ERBB4: variants seen among roughly 807,000 people sequenced by gnomAD.
ERBB4 encodes the protein receptor tyrosine-protein kinase erbB-4.
A neutral mutation model predicts 158.0 loss-of-function variants in ERBB4; 42 were observed. That is an observed-to-expected ratio of 0.27 (90% confidence interval 0.21 to 0.34). The LOEUF is 0.34. ERBB4 is among the 10% of genes least tolerant of loss of function. The pLI, the probability that ERBB4 is intolerant of heterozygous loss-of-function variation, is 1.00. For synonymous variants in ERBB4, 583 were observed against 558.7 expected (o/e 1.04, Z -0.61); for missense variants, 1,333 against 1,624.1 (o/e 0.82, Z 3.08).
At chr2:211,884,246 T>C (rs2078737260) in intron 3 of ERBB4, among the ~76,000 whole-genome samples, 1 of 152,164 alleles carries the variant, frequency 6.6e-6, no homozygotes, top group African/African-American at 2.4e-5. Context: ...TTCTAAGACC[T>C]TAATCCAGTT....
chr2:211,519,751 T>C (rs1342346946), intron 20 of ERBB4, among the ~76,000 whole-genome samples: 1 of 152,114 alleles, frequency 6.6e-6, no homozygotes, highest in East Asian at 1.9e-4. Context: ...TCTAATTGCA[T>C]CATGGAAAGA....
chr2:211,623,121 C>T (rs1346962152), intron 18 of ERBB4, among the ~76,000 whole-genome samples: 1 of 140,352 alleles, frequency 7.1e-6, no homozygotes, highest in African/African-American at 2.6e-5. Flanking sequence ...AGAAGAGTTT[C>T]TTAATCTTGT....
intron 3 of ERBB4, among the ~76,000 whole-genome samples, chr2:211,844,633 T>G (rs527448588): frequency 6.6e-6 from 1 of 152,308 alleles, no homozygotes; most frequent in African/African-American, 2.4e-5. Context: ...TTCAAAATTC[T>G]TAAGAACCAC....
intron 1 of ERBB4, among the ~76,000 whole-genome samples, chr2:212,399,989 A>G (rs1194148840): frequency 6.6e-6 from 1 of 152,168 alleles, no homozygotes; most frequent in Non-Finnish European, 1.5e-5. Context: ...AAAAACTTTA[A>G]TGAAATCAAA....
At position 211,990,058 on chromosome 2, in the gene ERBB4, A is replaced by G. The variant is rs140907532; in HGVS notation, c.235-42442T>C. On this transcript the variant is annotated intron_variant, in intron 2 of 27. Transcript: ENST00000342788. ...AAGTTAGGAATGAAAAAAAAAATAGACAGAATATTGATATAAATGCTCATT... is the reference window on the plus strand; with the variant it reads ...AAGTTAGGAATGAAAAAAAAAATAGGCAGAATATTGATATAAATGCTCATT... Among the ~76,000 whole-genome samples the G allele has an allele frequency of 6.9e-3, 1,050 of 152,028 alleles. 10 individuals carry two copies. Among genetic ancestry groups the G allele is most frequent in the African/African-American group, 0.023 (963 of 41,528 alleles).
At chr2:212,440,978 A>G (rs1478269704) in intron 1 of ERBB4, among the ~76,000 whole-genome samples, 2 of 152,182 alleles carry the variant, frequency 1.3e-5, no homozygotes, top group African/African-American at 4.8e-5. Context: ...GGAGAGTCTT[A>G]TCTCCTCTAG....
chr2:211,556,177 A>C (rs1271015617), intron 20 of ERBB4, among the ~76,000 whole-genome samples: 1 of 152,228 alleles, frequency 6.6e-6, no homozygotes, highest in Non-Finnish European at 1.5e-5. Context: ...AAAAAAGATC[A>C]AAAAAGACAA....
At chr2:211,656,849 G>T (rs566452166) in intron 16 of ERBB4, among the ~76,000 whole-genome samples, 1 of 152,246 alleles carries the variant, frequency 6.6e-6, no homozygotes, top group South Asian at 2.1e-4. Context: ...ACAATATATA[G>T]ATATGCCACA....
At chr2:212,126,335 C>T (rs1204375998) in intron 1 of ERBB4, among the ~76,000 whole-genome samples, 1 of 151,880 alleles carries the variant, frequency 6.6e-6, no homozygotes, top group Non-Finnish European at 1.5e-5. Flanking sequence ...TAGCTCATGC[C>T]TGTAATCCCA....
At chr2:211,835,905 G>A (rs2077330835) in intron 3 of ERBB4, among the ~76,000 whole-genome samples, 1 of 151,978 alleles carries the variant, frequency 6.6e-6, no homozygotes, top group African/African-American at 2.4e-5. Flanking sequence ...AGGAACAGTT[G>A]AATACCTTGG....
At chr2:211,943,870 T>G (rs1022621420) in intron 3 of ERBB4, among the ~76,000 whole-genome samples, 8 of 151,904 alleles carry the variant, frequency 5.3e-5, no homozygotes, top group African/African-American at 1.9e-4. Context: ...AGTAATAATT[T>G]TTAATGTGCG....
chr2:212,182,772 T>G (rs941668610), intron 1 of ERBB4, among the ~76,000 whole-genome samples: 2 of 151,814 alleles, frequency 1.3e-5, no homozygotes, highest in Admixed American at 1.3e-4. Context: ...TTTGTTTTGT[T>G]TTGTTTTGCT....
chr2:212,289,044 C>T (rs1006053000), intron 1 of ERBB4, among the ~76,000 whole-genome samples: 2 of 152,042 alleles, frequency 1.3e-5, no homozygotes, highest in Non-Finnish European at 2.9e-5. Context: ...AAAGAAACCT[C>T]CTGACAACAC....
chr2:211,665,286 C>T (rs1358020207), intron 15 of ERBB4, 37 bp downstream of exon 15: 1 of 1,609,372 alleles, frequency 6.2e-7, no homozygotes. Flanking sequence ...GTGGATAACA[C>T]ATACCAGGTG....
intron 2 of ERBB4, among the ~76,000 whole-genome samples, chr2:211,951,726 T>A (rs1470801001): frequency 6.6e-6 from 1 of 152,118 alleles, no homozygotes; most frequent in Non-Finnish European, 1.5e-5. Flanking sequence ...GAGGTTCTAG[T>A]GTCCAAAATA....
At chr2:212,067,522 T>A (rs1390639704) in intron 2 of ERBB4, among the ~76,000 whole-genome samples, 1 of 151,992 alleles carries the variant, frequency 6.6e-6, no homozygotes, top group African/African-American at 2.4e-5. Context: ...AAATTACTGT[T>A]CCTGAAGTCC....
chr2:211,814,125 A>G (rs192350025), intron 3 of ERBB4, among the ~76,000 whole-genome samples: 35 of 152,336 alleles, frequency 2.3e-4, no homozygotes, highest in African/African-American at 8.2e-4. Flanking sequence ...AAGTCTAAAT[A>G]CAAATATAAA....
chr2:211,956,473 A>G (rs1413110695), intron 2 of ERBB4, among the ~76,000 whole-genome samples: 1 of 152,028 alleles, frequency 6.6e-6, no homozygotes, highest in East Asian at 1.9e-4. Flanking sequence ...TAGTGATTAA[A>G]TTTGGGTTCT....
intron 1 of ERBB4, among the ~76,000 whole-genome samples, chr2:212,336,516 T>C (rs895837488): frequency 6.6e-6 from 1 of 152,076 alleles, no homozygotes; most frequent in Non-Finnish European, 1.5e-5. Context: ...ATGCCAATGA[T>C]ACAATATTGT....
Sources: allele counts gnomAD v4.1 joint callset (sites outside exome capture counted in the v4.1 genomes callset), GRCh38; gene constraint gnomAD v4.1.1; transcripts MANE v1.5; gene names NCBI Gene and HGNC (gene_info 2026-07-23, HGNC 2026-07-21).